DCAKD: variants seen among roughly 807,000 people sequenced by gnomAD.
The protein encoded by DCAKD is dephospho-CoA kinase domain-containing protein.
In DCAKD, 15 loss-of-function variants were observed where a neutral mutation model predicts 18.7. That is an observed-to-expected ratio of 0.80 (90% CI 0.54 to 1.24). The LOEUF (loss-of-function observed/expected upper bound fraction) is 1.24, where lower values mean the gene tolerates loss of function less well. Among genes scored for constraint, DCAKD ranks in the 50% most tolerant of loss-of-function variants. The pLI, the probability that DCAKD is intolerant of heterozygous loss-of-function variation, is 0.00. For synonymous variants in DCAKD, 130 were observed against 133.0 expected, an observed-to-expected ratio of 0.98 and a Z score of 0.16; for missense variants, 301 against 322.0, an observed-to-expected ratio of 0.93 and a Z score of 0.50.
In DCAKD at chr17:45,024,534, A is replaced by G. The variant is rs764311350; in HGVS notation, c.595T>C (p.Ser199Pro). The G allele has an allele frequency of 3.7e-6, 6 of 1,614,112 alleles. No homozygotes were observed. Among genetic ancestry groups the G allele is most frequent in the Non-Finnish European group, 5.1e-6 (6 of 1,179,998 alleles). The change falls in exon 5 of 5, where the codon TCC (serine) becomes CCC (proline). Residue 199 changes from serine to proline, a missense_variant. Transcript: ENST00000651974. ...AACCTCAGCGGCAGGTACTCCAGGG[A>G]GCGCTCCAGCTCAGTGTGCAAGAGG... is the stretch of plus-strand genomic sequence containing the variant. Reference protein sequence around the residue: ...VILLHTELERSLEYLPLRFGV... With the variant: ...VILLHTELERPLEYLPLRFGV...
At chr17:45,036,679 A>T (rs2143258643) in intron 1 of DCAKD, among the ~76,000 whole-genome samples, 1 of 152,282 alleles carries the variant, frequency 6.6e-6, no homozygotes, top group East Asian at 1.9e-4. Context: ...AAAGACTTTC[A>T]TGAAATCATG....
chr17:45,058,936 T>C (rs972410126), intron 1 of DCAKD, among the ~76,000 whole-genome samples: 1 of 152,082 alleles, frequency 6.6e-6, no homozygotes, highest in Admixed American at 6.6e-5. Flanking sequence ...CTTATGCCAT[T>C]GATATAAAAA....
In DCAKD at chr17:45,030,523, G is replaced by A. The variant is rs141901220; in HGVS notation, c.317-344C>T. On this transcript the variant is annotated intron_variant, in intron 3 of 4. Coordinates refer to ENST00000651974, the MANE Select transcript of DCAKD (RefSeq NM_001288655.2). ...AGGGAGAGGGAGGCTCTACTGTGCG[G>A]GCTGAAGCAGAGGCCTCAGGCCGTG... Among the ~76,000 whole-genome samples the A allele has an allele frequency of 8.5e-4, 130 of 152,380 alleles. 2 individuals are homozygous for A. In the East Asian group the frequency reaches 0.021, roughly 24 times the overall value.
In DCAKD at chr17:45,034,907, C is replaced by T. The variant is rs201146977; in HGVS notation, c.-22G>A. 6.5e-5 allele frequency: 104 copies of T among 1,612,104 alleles called. No individual in the cohort carries two copies. The highest frequency in any genetic ancestry group is 2.4e-4 in the African/African-American group (18 of 74,994). On this transcript the variant is annotated 5_prime_UTR_variant, in exon 2 of 5. Coordinates refer to ENST00000651974, the MANE Select transcript of DCAKD (RefSeq NM_001288655.2). ...ACATCTTCCAGGAAAGAGAGCTGTC[C>T]GCGAGACTACGGAGCCAGGAGCTAC...
intron 3 of DCAKD, chr17:45,033,921 A>C: frequency 6.7e-7 from 1 of 1,483,534 alleles, no homozygotes; most frequent in Non-Finnish European, 9.0e-7. Context: ...TCCCTACTAG[A>C]AAAACCAACT....
At chr17:45,055,351 A>C (rs12602966), upstream of DCAKD, among the ~76,000 whole-genome samples, 40,113 of 145,678 alleles carry the variant, frequency 0.28, 5,472 homozygotes, top group South Asian at 0.36. Context: ...TTTTAAATTT[A>C]TTTTCTGTAC....
chr17:45,055,699 TCTGGACAGC>T (rs1219417185), upstream of DCAKD, among the ~76,000 whole-genome samples: 1 of 152,168 alleles, frequency 6.6e-6, no homozygotes, highest in Non-Finnish European at 1.5e-5. Context: ...ATCTCCTGCC[TCTGGACAGC>T]CTGTGCTCCC....
At position 45,034,561 on chromosome 17, in the gene DCAKD, C is replaced by A. The variant is rs146833498; in HGVS notation, c.113-171G>T. On this transcript the variant is annotated intron_variant, in intron 2 of 4. Coordinates refer to ENST00000651974, the MANE Select transcript of DCAKD (RefSeq NM_001288655.2). ...AGGAAAAGAGCAGAGTGTACAGGAT[C>A]CCTTGTGCTGGTAATGGGGTACAGC... Among the ~76,000 whole-genome samples the A allele has an allele frequency of 6.5e-4, 99 of 152,250 alleles. No individual in the cohort carries two copies. In the East Asian group the frequency reaches 0.015, roughly 23 times the overall value.
At chr17:45,056,189 T>C (rs571069724), upstream of DCAKD, among the ~76,000 whole-genome samples, 1 of 151,456 alleles carries the variant, frequency 6.6e-6, no homozygotes, top group East Asian at 1.9e-4. Flanking sequence ...ATCTCTGACA[T>C]GCTGGAAGTA....
chr17:45,030,148 C>T lies in DCAKD; in HGVS notation c.348G>A (p.Leu116=). Residue 116 remains leucine, a synonymous_variant, in exon 4 of 5, where the codon CTG becomes CTA. Coordinates refer to ENST00000651974, the MANE Select transcript of DCAKD (RefSeq NM_001288655.2). The part of the protein sequence containing the change: ...GYRYVILDIP[L]LFETKKLLKY... ...TGAGCAACTTCTTGGTCTCAAACAG[C>T]AGGGGGATATCCAGAATCACGTAGC... is the stretch of plus-strand genomic sequence containing the variant. 1.2e-6 allele frequency: 2 copies of T among 1,614,134 alleles called. No homozygotes were observed. The highest frequency in any genetic ancestry group is 1.1e-5 in the South Asian group (1 of 91,080).
chr17:45,034,252 T>C lies in DCAKD; in HGVS notation c.251A>G (p.Asn84Ser). 6.2e-7 allele frequency: 1 copy of C among 1,614,024 alleles called. No homozygotes were observed. Among genetic ancestry groups the C allele is most frequent in the South Asian group, 1.1e-5 (1 of 91,070 alleles). ...FNQPDRRQLL[N>S]AITHPEIRKE... Reference sequence around the variant, plus strand: ...GCGAATCTCGGGGTGGGTGATGGCGTTGAGCAGCTGCCGCCGGTCAGGCTG... The same window carrying C: ...GCGAATCTCGGGGTGGGTGATGGCGCTGAGCAGCTGCCGCCGGTCAGGCTG... The change falls in exon 3 of 5, where the codon AAC becomes AGC. Residue 84 changes from asparagine (N) to serine (S), a missense_variant. Physicochemically the swap from Asn to Ser is conservative, Grantham distance 46. Transcript: ENST00000651974.
chr17:45,040,664 C>A (rs544401906), intron 1 of DCAKD, among the ~76,000 whole-genome samples: 125 of 152,236 alleles, frequency 8.2e-4, no homozygotes, highest in Middle Eastern at 3.4e-3. Flanking sequence ...GAAGCCACAC[C>A]CCATCCTTTC....
At position 45,031,057 on chromosome 17, in the gene DCAKD, G is replaced by T. The variant is rs2053162421; in HGVS notation, c.317-878C>A. The T allele has an allele frequency of 5.1e-6, 5 of 985,308 alleles. No individual in the cohort carries two copies. The South Asian group carries it at 2.3e-4, about 46-fold the overall frequency. The allele number at this position is 985,308 out of a possible 1,614,324, so 61.0% of individuals were successfully genotyped here. On this transcript the variant is annotated intron_variant, in intron 3 of 4. Coordinates refer to ENST00000651974, the MANE Select transcript of DCAKD (RefSeq NM_001288655.2). ...GGAGGGCTCCAGGAGAGCAAGAAGG[G>T]TAAGAGATAGGAAAATGCTTCTCTG...
At chr17:45,033,404 T>C (rs1254370221) in intron 3 of DCAKD, among the ~76,000 whole-genome samples, 1 of 152,164 alleles carries the variant, frequency 6.6e-6, no homozygotes, top group Non-Finnish European at 1.5e-5. Context: ...GCAGTTTACA[T>C]GTGTGATTAA....
At chr17:45,023,343 G>A (rs1187426478), downstream of DCAKD, 1 of 152,152 alleles carries the variant, frequency 6.6e-6, no homozygotes, top group African/African-American at 2.4e-5. Context: ...GGGAATCTTG[G>A]TTGGTCTGGG....
intron 1 of DCAKD, among the ~76,000 whole-genome samples, chr17:45,039,486 A>T (rs560799058): frequency 6.6e-6 from 1 of 152,336 alleles, no homozygotes; most frequent in African/African-American, 2.4e-5. Context: ...ACTGAATCTG[A>T]ATCAGCTAGG....
exon 1 of DCAKD, chr17:45,060,972 T>G: frequency 9.8e-7 from 1 of 1,024,800 alleles, no homozygotes; most frequent in Non-Finnish European, 1.2e-6. Context: ...AAATCAAACC[T>G]CGGATTTTGG....
chr17:45,038,756 C>G (rs1182775725), intron 1 of DCAKD, among the ~76,000 whole-genome samples: 4 of 152,256 alleles, frequency 2.6e-5, no homozygotes, highest in Admixed American at 2.0e-4. Context: ...AACAGACCAA[C>G]AGCTGCTTGG....
chr17:45,029,888 G>A lies in DCAKD; in HGVS notation c.404+204C>T, dbSNP rs139010806. 6.6e-3 allele frequency among the ~76,000 whole-genome samples: 1,004 copies of A among 152,156 alleles called. 10 individuals are homozygous for A. Among genetic ancestry groups the A allele is most frequent in the African/African-American group, 0.023 (943 of 41,514 alleles). On this transcript the variant is annotated intron_variant, in intron 4 of 4. Coordinates refer to ENST00000651974, the MANE Select transcript of DCAKD (RefSeq NM_001288655.2). Reference sequence around the variant, plus strand: ...CGCTCCCCAAACACTAGAGAAGCCCGCGGGCTGTCCCTTCCCACACCTGCC... The same window carrying A: ...CGCTCCCCAAACACTAGAGAAGCCCACGGGCTGTCCCTTCCCACACCTGCC...
Sources: gnomAD v4.1 joint callset for allele counts (sites outside exome capture counted in the v4.1 genomes callset) on GRCh38, gnomAD v4.1.1 for gene constraint, MANE v1.5 for transcripts, NCBI Gene and HGNC (gene_info 2026-07-23, HGNC 2026-07-21) for gene names.